The following FAT3 variants were observed in gnomAD, a reference collection of about 807,000 sequenced individuals.
The protein encoded by FAT3 is protocadherin Fat 3.
In FAT3, 95 loss-of-function variants were observed where a neutral mutation model predicts 310.2. The observed-to-expected ratio is 0.31, with a 90% CI of 0.26 to 0.36. FAT3 has a LOEUF of 0.36. FAT3 is among the 10% of genes least tolerant of loss of function. FAT3 has a pLI of 1.00. For synonymous variants in FAT3, 2,314 were observed against 2,192.9 expected (o/e 1.06, Z -1.54); for missense variants, 5,408 against 5,715.6 (o/e 0.95, Z 1.74).
intron 7 of FAT3, among the ~76,000 whole-genome samples, chr11:92,778,501 G>A: frequency 6.6e-6 from 1 of 152,148 alleles, no homozygotes; most frequent in East Asian, 1.9e-4. Flanking sequence ...ACAAACCCGT[G>A]CAAATCAGGA....
chr11:92,837,881 T>A (rs1344812543), intron 17 of FAT3, 75 bp downstream of exon 17: 1 of 1,569,338 alleles, frequency 6.4e-7, no homozygotes, highest in Non-Finnish European at 8.8e-7. Context: ...TTACTCATTG[T>A]GGTTTATTGC....
At chr11:92,515,721 A>G (rs1046286087) in intron 2 of FAT3, among the ~76,000 whole-genome samples, 2 of 152,212 alleles carry the variant, frequency 1.3e-5, no homozygotes, top group Non-Finnish European at 2.9e-5. Flanking sequence ...ACAGTAATAA[A>G]TATTTGTTGA....
At chr11:92,616,948 A>G (rs932423917) in intron 3 of FAT3, among the ~76,000 whole-genome samples, 10 of 152,004 alleles carry the variant, frequency 6.6e-5, no homozygotes, top group African/African-American at 1.9e-4. Flanking sequence ...TCTGACAATT[A>G]TGTATCTTGG....
chr11:92,772,548 G>A (rs1214803496), intron 6 of FAT3, among the ~76,000 whole-genome samples: 1 of 151,788 alleles, frequency 6.6e-6, no homozygotes, highest in Non-Finnish European at 1.5e-5. Flanking sequence ...AATTTTTTTG[G>A]AGTTAATATT....
intron 4 of FAT3, among the ~76,000 whole-genome samples, chr11:92,701,503 T>C (rs1172249364): frequency 6.6e-6 from 1 of 152,248 alleles, no homozygotes; most frequent in Non-Finnish European, 1.5e-5. Flanking sequence ...GTACAGCTTA[T>C]ACTTCTTCAG....
intron 4 of FAT3, among the ~76,000 whole-genome samples, chr11:92,729,019 A>G (rs1322160604): frequency 6.6e-6 from 1 of 152,158 alleles, no homozygotes; most frequent in African/African-American, 2.4e-5. Context: ...TCATCATTCA[A>G]CTCACTACAC....
intron 3 of FAT3, among the ~76,000 whole-genome samples, chr11:92,567,893 G>A (rs535284273): frequency 1.3e-5 from 2 of 150,040 alleles, no homozygotes; most frequent in Admixed American, 6.6e-5. Context: ...GACTGTTGTG[G>A]GGTTGGGGGA....
intron 3 of FAT3, among the ~76,000 whole-genome samples, chr11:92,565,688 C>T (rs1403714120): frequency 1.3e-5 from 2 of 150,300 alleles, no homozygotes; most frequent in African/African-American, 4.9e-5. Flanking sequence ...GCTTATCCAC[C>T]ATGATCAAGT....
intron 13 of FAT3, among the ~76,000 whole-genome samples, chr11:92,821,290 T>C (rs1947962519): frequency 6.6e-6 from 1 of 152,240 alleles, no homozygotes; most frequent in Admixed American, 6.5e-5. Context: ...CTAATGCTTT[T>C]TTGTATACTC....
chr11:92,783,478 A>T (rs1218629695), intron 7 of FAT3, among the ~76,000 whole-genome samples: 1 of 148,288 alleles, frequency 6.7e-6, no homozygotes, highest in Non-Finnish European at 1.5e-5. Context: ...CCAAATCTTA[A>T]AATGTAAGAC....
At chr11:92,795,598 T>TG (rs1241056657) in intron 9 of FAT3, among the ~76,000 whole-genome samples, 1 of 151,964 alleles carries the variant, frequency 6.6e-6, no homozygotes, top group East Asian at 2.0e-4. Context: ...TCAGCGGCCA[T>TG]GGGATAGCAG....
intron 4 of FAT3, among the ~76,000 whole-genome samples, chr11:92,709,748 T>C (rs1591635314): frequency 6.6e-6 from 1 of 152,126 alleles, no homozygotes; most frequent in South Asian, 2.1e-4. Context: ...GGTGGGAAGT[T>C]TGAGGAGCCC....
At chr11:92,432,885 A>G (rs774222572) in intron 2 of FAT3, among the ~76,000 whole-genome samples, 2 of 152,190 alleles carry the variant, frequency 1.3e-5, no homozygotes, top group African/African-American at 2.4e-5. Flanking sequence ...AGTTTTATCT[A>G]TAAGCCCCTA....
chr11:92,315,512 T>TATACAGAG (rs1353970811), intron 1 of FAT3, among the ~76,000 whole-genome samples: 1 of 56,172 alleles, frequency 1.8e-5, no homozygotes, highest in South Asian at 9.6e-4. Context: ...TATATATATA[T>TATACAGAG]AGAGAGAGAG....
intron 2 of FAT3, among the ~76,000 whole-genome samples, chr11:92,476,508 A>C (rs1405386009): frequency 6.6e-6 from 1 of 152,192 alleles, no homozygotes; most frequent in East Asian, 1.9e-4. Flanking sequence ...ACACATACAC[A>C]TGCAGAAAGC....
chr11:92,801,981 A>C, intron 10 of FAT3, 72 bp downstream of exon 10: 2 of 1,413,124 alleles, frequency 1.4e-6, no homozygotes, highest in Non-Finnish European at 1.9e-6. Flanking sequence ...CGGGGAGAAG[A>C]GTAAGAGAGA....
At chr11:92,401,367 A>G (rs1733425533) in intron 2 of FAT3, among the ~76,000 whole-genome samples, 1 of 151,776 alleles carries the variant, frequency 6.6e-6, no homozygotes, top group Non-Finnish European at 1.5e-5. Flanking sequence ...ACCCTTCCTG[A>G]CTCTTCTCTC....
intron 4 of FAT3, among the ~76,000 whole-genome samples, chr11:92,717,040 GT>G (rs1944711980): frequency 1.3e-5 from 2 of 152,138 alleles, no homozygotes; most frequent in Non-Finnish European, 2.9e-5. Flanking sequence ...ATCCTCAATT[GT>G]AAAATGAAGA....
chr11:92,492,508 T>G (rs919568107), intron 2 of FAT3, among the ~76,000 whole-genome samples: 1 of 152,106 alleles, frequency 6.6e-6, no homozygotes, highest in African/African-American at 2.4e-5. Context: ...TAGTAGTAGA[T>G]TTGCTAAATA....
Sources: gnomAD v4.1 joint callset for allele counts (sites outside exome capture counted in the v4.1 genomes callset) on GRCh38, gnomAD v4.1.1 for gene constraint, MANE v1.5 for transcripts, NCBI Gene and HGNC (gene_info 2026-07-23, HGNC 2026-07-21) for gene names.